CSMD3: variants seen among roughly 807,000 people sequenced by gnomAD.
CSMD3 encodes the protein CUB and Sushi multiple domains 3.
Under a neutral mutation model 435.2 loss-of-function variants are expected in CSMD3, and 177 were observed. The ratio of observed to expected loss-of-function variants is 0.41; its 90% CI spans 0.36 to 0.46. CSMD3 has a LOEUF of 0.46. CSMD3 is among the 20% of genes least tolerant of loss of function. The pLI is 0.34. For synonymous variants in CSMD3, 1,656 were observed against 1,520.5 expected, an observed-to-expected ratio of 1.09 and a Z score of -2.07; for missense variants, 4,265 against 4,504.6, an observed-to-expected ratio of 0.95 and a Z score of 1.52.
intron 53 of CSMD3, among the ~76,000 whole-genome samples, chr8:112,300,023 C>A (rs1225761748): frequency 6.7e-6 from 1 of 149,580 alleles, no homozygotes; most frequent in African/African-American, 2.4e-5. Context: ...GAGCACATGG[C>A]CATAAAATAT....
At chr8:112,868,418 G>A (rs1161732777) in intron 10 of CSMD3, among the ~76,000 whole-genome samples, 1 of 152,170 alleles carries the variant, frequency 6.6e-6, no homozygotes, top group Non-Finnish European at 1.5e-5. Context: ...ATTGTGTAGT[G>A]TACATAATTG....
At chr8:112,411,090 C>G (rs1811285980) in intron 32 of CSMD3, among the ~76,000 whole-genome samples, 1 of 145,024 alleles carries the variant, frequency 6.9e-6, no homozygotes, top group East Asian at 2.0e-4. Flanking sequence ...TATCCAAGAG[C>G]TTTTTCTGAG....
chr8:112,307,987 A>G (rs562996627), intron 50 of CSMD3, among the ~76,000 whole-genome samples: 1 of 152,300 alleles, frequency 6.6e-6, no homozygotes, highest in South Asian at 2.1e-4. Flanking sequence ...GAAAAACCTT[A>G]GTGAAATCTT....
chr8:112,516,991 G>T, intron 28 of CSMD3, 43 bp downstream of exon 28: 1 of 1,455,488 alleles, frequency 6.9e-7, no homozygotes, highest in Non-Finnish European at 9.6e-7. Context: ...TTTAACCATT[G>T]TTTTATGTTT....
chr8:112,926,980 C>T (rs1033227620), intron 9 of CSMD3, among the ~76,000 whole-genome samples: 2 of 152,086 alleles, frequency 1.3e-5, no homozygotes, highest in African/African-American at 4.8e-5. Context: ...ATTGTCCAGG[C>T]ATGACAGATG....
At chr8:112,964,652 T>G (rs956164172) in intron 7 of CSMD3, among the ~76,000 whole-genome samples, 1 of 151,782 alleles carries the variant, frequency 6.6e-6, no homozygotes, top group African/African-American at 2.4e-5. Flanking sequence ...TTGATGAGAC[T>G]TTTTTTTCCC....
chr8:112,452,253 T>C (rs1041590514), intron 32 of CSMD3, among the ~76,000 whole-genome samples: 1 of 152,230 alleles, frequency 6.6e-6, no homozygotes, highest in Non-Finnish European at 1.5e-5. Context: ...TATTCAGTAC[T>C]GGATTCTAGT....
intron 10 of CSMD3, among the ~76,000 whole-genome samples, chr8:112,868,484 C>T (rs2081045932): frequency 6.6e-6 from 1 of 152,080 alleles, no homozygotes; most frequent in Non-Finnish European, 1.5e-5. Flanking sequence ...ACACCAGTAT[C>T]ACCAAAAACA....
chr8:113,077,861 G>C (rs759601438), intron 5 of CSMD3, among the ~76,000 whole-genome samples: 3 of 151,952 alleles, frequency 2.0e-5, no homozygotes, highest in Non-Finnish European at 4.4e-5. Context: ...AACATTAATT[G>C]GTTTATACAG....
chr8:113,395,967 C>T (rs2094481782), intron 1 of CSMD3, among the ~76,000 whole-genome samples: 1 of 152,134 alleles, frequency 6.6e-6, no homozygotes, highest in Admixed American at 6.5e-5. Context: ...TCCTTCTCTC[C>T]TGCCAACAGT....
intron 3 of CSMD3, among the ~76,000 whole-genome samples, chr8:113,194,095 CT>C (rs1171032227): frequency 6.6e-6 from 1 of 151,114 alleles, no homozygotes; most frequent in Non-Finnish European, 1.5e-5. Flanking sequence ...GGAAAAAAAC[CT>C]ATACCAAAAT....
intron 20 of CSMD3, 78 bp downstream of exon 20, chr8:112,645,031 G>C: frequency 1.2e-6 from 1 of 826,182 alleles, no homozygotes; most frequent in Non-Finnish European, 2.2e-6. Flanking sequence ...AAAATAACAT[G>C]TAAAGGAAAG....
At chr8:113,093,827 T>A (rs898503863) in intron 5 of CSMD3, among the ~76,000 whole-genome samples, 2 of 152,172 alleles carry the variant, frequency 1.3e-5, no homozygotes, top group African/African-American at 4.8e-5. Flanking sequence ...TTACATACCT[T>A]ATTGCATTCT....
intron 41 of CSMD3, among the ~76,000 whole-genome samples, chr8:112,342,614 T>C (rs981499543): frequency 5.9e-5 from 9 of 152,180 alleles, no homozygotes; most frequent in Admixed American, 2.0e-4. Context: ...ATGTAAAGTT[T>C]ACACAATGAC....
intron 22 of CSMD3, among the ~76,000 whole-genome samples, chr8:112,621,707 G>A (rs1441950757): frequency 2.0e-5 from 3 of 152,040 alleles, no homozygotes; most frequent in African/African-American, 7.2e-5. Flanking sequence ...CCTCTTCTCA[G>A]TCTCCTTTGC....
At position 112,446,138 on chromosome 8, in the gene CSMD3, A is replaced by G. The variant is rs78768868; in HGVS notation, c.5395+26453T>C. On this transcript the variant is annotated intron_variant, in intron 32 of 70. Coordinates refer to ENST00000297405, the MANE Select transcript of CSMD3 (RefSeq NM_198123.2). ...CACATAGCTAAGAAGCATTGGGAGCAGAATTCAAAATTCTGTAGTCTAGAA... is the reference window on the plus strand; with the variant it reads ...CACATAGCTAAGAAGCATTGGGAGCGGAATTCAAAATTCTGTAGTCTAGAA... Among the ~76,000 whole-genome samples, 543 of 152,344 alleles carry G rather than the reference A, an allele frequency of 3.6e-3. 2 individuals carry two copies. Among genetic ancestry groups the G allele is most frequent in the Non-Finnish European group, 6.8e-3 (464 of 68,030 alleles).
chr8:112,875,450 T>C (rs1311575361), intron 10 of CSMD3, among the ~76,000 whole-genome samples: 1 of 152,144 alleles, frequency 6.6e-6, no homozygotes, highest in Non-Finnish European at 1.5e-5. Context: ...ATTTCCTGTA[T>C]TTGAATGTTG....
chr8:112,956,052 C>G (rs1399007441), intron 7 of CSMD3, among the ~76,000 whole-genome samples: 1 of 151,854 alleles, frequency 6.6e-6, no homozygotes, highest in Admixed American at 6.6e-5. Flanking sequence ...TCTATACACA[C>G]AGCATATATT....
At position 112,334,151 on chromosome 8, in the gene CSMD3, T is replaced by G. The variant is rs193140357; in HGVS notation, c.7165+1178A>C. Among the ~76,000 whole-genome samples, 8 of 152,308 alleles carry G rather than the reference T, an allele frequency of 5.3e-5. No homozygotes were observed. The South Asian group carries it at 1.7e-3, about 32-fold the overall frequency. ...TGTTCATGGTGGTATGGCCATAGACTGAACCCCTGACTTTTCAACTGGTTA... is the reference window on the plus strand; with the variant it reads ...TGTTCATGGTGGTATGGCCATAGACGGAACCCCTGACTTTTCAACTGGTTA... On this transcript the variant is annotated intron_variant, in intron 45 of 70. Coordinates refer to ENST00000297405, the MANE Select transcript of CSMD3 (RefSeq NM_198123.2).
Sources: gnomAD v4.1 joint callset for allele counts (sites outside exome capture counted in the v4.1 genomes callset) on GRCh38, gnomAD v4.1.1 for gene constraint, MANE v1.5 for transcripts, NCBI Gene and HGNC (gene_info 2026-07-23, HGNC 2026-07-21) for gene names.